Variants in RIMS3 observed in about 807,000 individuals in gnomAD.
RIMS3 encodes regulating synaptic membrane exocytosis 3, also known as regulating synaptic membrane exocytosis protein 3.
Under a neutral mutation model 29.2 loss-of-function variants are expected in RIMS3, and 15 were observed. The ratio of observed to expected loss-of-function variants is 0.51; its 90% CI spans 0.34 to 0.79. The LOEUF (loss-of-function observed/expected upper bound fraction) is 0.79, where lower values mean the gene tolerates loss of function less well. Among genes scored for constraint, RIMS3 ranks in the 30% least tolerant of loss-of-function variants. The pLI, the probability that RIMS3 is intolerant of heterozygous loss-of-function variation, is 0.01. For synonymous variants in RIMS3, 161 were observed against 170.1 expected, an observed-to-expected ratio of 0.95 and a Z score of 0.41; for missense variants, 342 against 421.4, an observed-to-expected ratio of 0.81 and a Z score of 1.65.
intron 1 of RIMS3, among the ~76,000 whole-genome samples, chr1:40,655,943 G>A (rs1385976940): frequency 6.6e-6 from 1 of 152,256 alleles, no homozygotes; most frequent in African/African-American, 2.4e-5. Flanking sequence ...AACCCAGGAG[G>A]CAGAAGCTGC....
chr1:40,684,436 G>C, the RIMS3 span, among the ~76,000 whole-genome samples: 3 of 152,144 alleles, frequency 2.0e-5, no homozygotes, highest in African/African-American at 7.2e-5. Flanking sequence ...TCTTTAGAAG[G>C]GCTTTTCTTA....
At chr1:40,650,501 C>T (rs1646624374) in intron 1 of RIMS3, among the ~76,000 whole-genome samples, 1 of 152,200 alleles carries the variant, frequency 6.6e-6, no homozygotes. Context: ...TCCTATCTCC[C>T]AGCCCGTCCC....
In RIMS3 at chr1:40,622,922, C is replaced by T. The variant is rs144162268; in HGVS notation, c.*3595G>A. On this transcript the variant is annotated 3_prime_UTR_variant, in exon 8 of 8. Transcript: ENST00000372684. ...CCTGGTAACGTAGGCTAAGATTGTGCTACATTTCATTTCCAAAGAAGTACC... is the reference window on the plus strand; with the variant it reads ...CCTGGTAACGTAGGCTAAGATTGTGTTACATTTCATTTCCAAAGAAGTACC... The T allele has an allele frequency of 6.5e-6, 1 of 152,974 alleles. No homozygotes were observed. The highest frequency in any genetic ancestry group is 2.4e-5 in the African/African-American group (1 of 41,470). The allele number at this position is 152,974 out of a possible 1,614,324, so 9.5% of individuals were successfully genotyped here.
At position 40,636,130 on chromosome 1, in the gene RIMS3, T is replaced by C; in HGVS notation, c.218-73A>G. The C allele has an allele frequency of 1.3e-6, 2 of 1,568,404 alleles. No individual in the cohort carries two copies. Among genetic ancestry groups the C allele is most frequent in the Non-Finnish European group, 1.7e-6 (2 of 1,153,754 alleles). Reference sequence around the variant, plus strand: ...ATGAATGGGGCTTCTCTAAGAGTCCTGCCAAAGTCACTCTCTTGGCATGGG... The same window carrying C: ...ATGAATGGGGCTTCTCTAAGAGTCCCGCCAAAGTCACTCTCTTGGCATGGG... On this transcript the variant is annotated intron_variant, in intron 3 of 7. Transcript: ENST00000372684. The surrounding 1 kb of genome is among the most constrained non-coding windows in gnomAD (Gnocchi z 4.2).
the RIMS3 span, among the ~76,000 whole-genome samples, chr1:40,685,363 TA>T: frequency 7.3e-4 from 10 of 13,690 alleles, no homozygotes; most frequent in African/African-American, 1.3e-3. Flanking sequence ...TTATATAATA[TA>T]ATATATATTA....
At chr1:40,656,035 AT>A (rs1642268299) in intron 1 of RIMS3, among the ~76,000 whole-genome samples, 2 of 152,028 alleles carry the variant, frequency 1.3e-5, no homozygotes, top group South Asian at 4.2e-4. Flanking sequence ...AACAAAACAA[AT>A]CTACAGACTC....
the RIMS3 span, chr1:40,691,733 G>T: frequency 2.2e-6 from 1 of 455,292 alleles, no homozygotes; most frequent in Non-Finnish European, 4.4e-6. Flanking sequence ...TCTTGCTTGT[G>T]CCCCCGCTTC....
Position 40,650,863 on chromosome 1 carries a change from C to CAAAAAAA in RIMS3, c.-206-3028_-206-3022dup, listed in dbSNP as rs58578342. ...CCTGGATGACAGAGCCAGACTCTGT[C>CAAAAAAA]AAAAAAAAAAAAAAAAAAAAAAAAA... On this transcript the variant is annotated intron_variant, in intron 1 of 7. Coordinates refer to ENST00000372684, the MANE Select transcript of RIMS3 (RefSeq NM_014747.3). Among the ~76,000 whole-genome samples the CAAAAAAA allele has an allele frequency of 5.0e-4, 32 of 64,556 alleles. 3 individuals are homozygous for CAAAAAAA. Among genetic ancestry groups the CAAAAAAA allele is most frequent in the African/African-American group, 2.1e-3 (28 of 13,122 alleles). The allele number at this position is 64,556 out of a possible 152,430, so 42.4% of individuals were successfully genotyped here.
intron 1 of RIMS3, among the ~76,000 whole-genome samples, chr1:40,659,437 G>T (rs184696663): frequency 6.6e-6 from 1 of 152,160 alleles, no homozygotes; most frequent in Admixed American, 6.5e-5. Flanking sequence ...TTGTTCTGGG[G>T]CTGCTTGGAG....
chr1:40,659,401 G>C (rs891614802), intron 1 of RIMS3, among the ~76,000 whole-genome samples: 3 of 152,240 alleles, frequency 2.0e-5, no homozygotes, highest in African/African-American at 4.8e-5. Context: ...AGGGGGTGAC[G>C]GGGTCAGTTC....
At chr1:40,664,612 CCT>C (rs1267160579) in intron 1 of RIMS3, among the ~76,000 whole-genome samples, 4 of 152,144 alleles carry the variant, frequency 2.6e-5, no homozygotes, top group Non-Finnish European at 4.4e-5. Flanking sequence ...GCCAATGCCC[CCT>C]GTTCTCCAGC....
chr1:40,642,067 G>A, intron 2 of RIMS3, 111 bp from the exon 3 acceptor site: 1 of 664,444 alleles, frequency 1.5e-6, no homozygotes, highest in South Asian at 1.8e-5. Context: ...ACCTCTCTGA[G>A]GCTATAAGGT....
chr1:40,645,280 C>T (rs1284638524), intron 2 of RIMS3, among the ~76,000 whole-genome samples: 2 of 152,182 alleles, frequency 1.3e-5, no homozygotes, highest in Non-Finnish European at 2.9e-5. Flanking sequence ...GATCCTGTGA[C>T]TCTGCCACGG....
chr1:40,634,150 T>C (rs1646506120), intron 4 of RIMS3, among the ~76,000 whole-genome samples: 1 of 152,094 alleles, frequency 6.6e-6, no homozygotes, highest in Non-Finnish European at 1.5e-5. Context: ...TAAGATCTCC[T>C]AGAAAGGCCC....
chr1:40,629,002 G>T, intron 6 of RIMS3, 53 bp from the exon 7 acceptor site: 3 of 1,606,760 alleles, frequency 1.9e-6, no homozygotes, highest in Non-Finnish European at 1.7e-6. Flanking sequence ...GACAGCTTTG[G>T]CCTGCCCATC....
chr1:40,628,663 C>A (rs753383225), intron 7 of RIMS3, 147 bp downstream of exon 7: 45 of 1,117,570 alleles, frequency 4.0e-5, no homozygotes, highest in Non-Finnish European at 5.9e-5. Context: ...GACAGTAATA[C>A]CTCACAGGGT....
intron 5 of RIMS3, among the ~76,000 whole-genome samples, chr1:40,631,779 T>C (rs1169039727): frequency 6.6e-6 from 1 of 151,960 alleles, no homozygotes; most frequent in Non-Finnish European, 1.5e-5. Flanking sequence ...CAGACTAGCC[T>C]GGCCAATACA....
At position 40,636,065 on chromosome 1, in the gene RIMS3, C is replaced by T. The variant is rs542963097; in HGVS notation, c.218-8G>A. On this transcript the variant is annotated splice_polypyrimidine_tract_variant and splice_region_variant and intron_variant, in intron 3 of 7. Transcript: ENST00000372684. This position sits in a 1 kb window ranked among gnomAD's most constrained non-coding sequence, Gnocchi z 4.2. ...GCTTCTTGGTGGCCCCTTCTGTGAC[C>T]CCCCCAACCCCAAGCACAGAGAGGG... The T allele has an allele frequency of 6.2e-7, 1 of 1,602,036 alleles. No individual in the cohort carries two copies. The highest frequency in any genetic ancestry group is 8.5e-7 in the Non-Finnish European group (1 of 1,179,850).
At chr1:40,670,646 T>A (rs1642482950), upstream of RIMS3, among the ~76,000 whole-genome samples, 1 of 137,570 alleles carries the variant, frequency 7.3e-6, no homozygotes, top group Non-Finnish European at 1.5e-5. Context: ...CAGGAGGCAG[T>A]GGCGTGATCT....
Sources: gnomAD v4.1 joint callset for allele counts (sites outside exome capture counted in the v4.1 genomes callset) on GRCh38, gnomAD v4.1.1 for gene constraint, Gnocchi (gnomAD v3.1) non-coding constraint, MANE v1.5 for transcripts, NCBI Gene and HGNC (gene_info 2026-07-23, HGNC 2026-07-21) for gene names.